CCDC7: variants seen among roughly 807,000 people sequenced by gnomAD.
CCDC7 encodes coiled-coil domain-containing protein 7.
In CCDC7, 183 loss-of-function variants were observed where a neutral mutation model predicts 196.9. That is an observed-to-expected ratio of 0.93 (90% confidence interval 0.82 to 1.05). CCDC7 has a LOEUF of 1.05. CCDC7 is among the 50% of genes least tolerant of loss of function. The pLI, the probability that CCDC7 is intolerant of heterozygous loss-of-function variation, is 0.00. For missense variants in CCDC7, 1,540 were observed against 1,482.2 expected (o/e 1.04, Z -0.64); for synonymous variants, 525 against 484.6 (o/e 1.08, Z -1.10).
chr10:32,587,742 CTTTG>C (rs1297431612), intron 18 of CCDC7, among the ~76,000 whole-genome samples: 1 of 151,956 alleles, frequency 6.6e-6, no homozygotes, highest in Non-Finnish European at 1.5e-5. Flanking sequence ...TTTGGATGGC[CTTTG>C]TTTCTTTTTA....
intron 13 of CCDC7, among the ~76,000 whole-genome samples, chr10:32,546,039 G>T (rs774751643): frequency 2.0e-5 from 3 of 152,098 alleles, no homozygotes; most frequent in Non-Finnish European, 4.4e-5. Context: ...ACCAAAGACT[G>T]GGCTGAATTC....
chr10:32,674,054 C>A (rs75140141), intron 21 of CCDC7, among the ~76,000 whole-genome samples: 6,422 of 151,594 alleles, frequency 0.042, 460 homozygotes, highest in African/African-American at 0.15. Flanking sequence ...TTTTCAAAAA[C>A]CGAACTCACA....
chr10:32,662,950 A>G (rs990953291), intron 20 of CCDC7, among the ~76,000 whole-genome samples: 1 of 152,172 alleles, frequency 6.6e-6, no homozygotes, highest in African/African-American at 2.4e-5. Flanking sequence ...GAGTGATCAG[A>G]AAAGGTTTTT....
intron 30 of CCDC7, among the ~76,000 whole-genome samples, chr10:32,813,773 G>A (rs1213571265): frequency 6.6e-6 from 1 of 152,132 alleles, no homozygotes; most frequent in Non-Finnish European, 1.5e-5. Flanking sequence ...AAATTGTGCA[G>A]CATCAGGTTG....
chr10:32,557,259 G>C (rs2054513387), intron 13 of CCDC7, among the ~76,000 whole-genome samples: 1 of 148,480 alleles, frequency 6.7e-6, no homozygotes, highest in African/African-American at 2.5e-5. Context: ...TTTTTCTTTG[G>C]CCACTTTTAT....
chr10:32,814,226 G>T, intron 30 of CCDC7, 144 bp from the exon 32 acceptor site: 1 of 561,292 alleles, frequency 1.8e-6, no homozygotes, highest in Non-Finnish European at 3.2e-6. Flanking sequence ...CCAAAGTGCT[G>T]GGATTACAGG....
chr10:32,681,153 C>G (rs916865568), intron 21 of CCDC7, among the ~76,000 whole-genome samples: 4 of 152,022 alleles, frequency 2.6e-5, no homozygotes, highest in African/African-American at 9.7e-5. Context: ...TTTTTTTCAT[C>G]ACTCTCTCAG....
chr10:32,673,274 G>GT (rs1196605927), intron 21 of CCDC7, among the ~76,000 whole-genome samples: 1 of 151,796 alleles, frequency 6.6e-6, no homozygotes, highest in Non-Finnish European at 1.5e-5. Context: ...GACTATTTGG[G>GT]TTTTTTGGTT....
At chr10:32,872,319 T>A (rs866280938) in intron 41 of CCDC7, among the ~76,000 whole-genome samples, 23 of 152,034 alleles carry the variant, frequency 1.5e-4, no homozygotes, top group African/African-American at 5.3e-4. Context: ...CTTCTTTGTC[T>A]CTTTTGATCT....
intron 20 of CCDC7, among the ~76,000 whole-genome samples, chr10:32,658,148 T>C (rs1300643263): frequency 6.6e-6 from 1 of 152,214 alleles, no homozygotes; most frequent in South Asian, 2.1e-4. Flanking sequence ...TCCAAACTGC[T>C]CCAACCTCTG....
intron 13 of CCDC7, among the ~76,000 whole-genome samples, chr10:32,548,900 T>C (rs892043786): frequency 6.6e-6 from 1 of 152,228 alleles, no homozygotes; most frequent in Admixed American, 6.5e-5. Context: ...TTTTGAATAA[T>C]GACTTCATTT....
chr10:32,738,473 CTT>C (rs33944221), intron 28 of CCDC7, among the ~76,000 whole-genome samples: 62 of 109,660 alleles, frequency 5.7e-4, no homozygotes, highest in Middle Eastern at 6.1e-3. Context: ...GTTTCTTTCA[CTT>C]TTTTTTTTTT....
chr10:32,794,458 C>A (rs2083226512), intron 29 of CCDC7, among the ~76,000 whole-genome samples: 2 of 152,264 alleles, frequency 1.3e-5, no homozygotes, highest in Admixed American at 1.3e-4. Context: ...ATTGTTAGGA[C>A]AAATGGTAGT....
At chr10:32,874,743 CCAA>C (rs1389416813) in intron 41 of CCDC7, among the ~76,000 whole-genome samples, 1 of 132,080 alleles carries the variant, frequency 7.6e-6, no homozygotes, top group African/African-American at 2.7e-5. Flanking sequence ...TACACACACA[CCAA>C]CATATCTACA....
At chr10:32,694,939 T>C (rs77776312) in exon 24 of CCDC7, 1 of 1,606,900 alleles carries the variant, frequency 6.2e-7, no homozygotes, top group East Asian at 2.2e-5. Flanking sequence ...GTGTCAAAAC[T>C]GGAAATGCAA....
At chr10:32,485,098 G>T (rs1476010443) in intron 8 of CCDC7, among the ~76,000 whole-genome samples, 1 of 152,162 alleles carries the variant, frequency 6.6e-6, no homozygotes, top group Non-Finnish European at 1.5e-5. Flanking sequence ...TGTACCTCTG[G>T]TAGAATTCGG....
chr10:32,749,606 TA>T (rs2075356877), intron 28 of CCDC7, among the ~76,000 whole-genome samples: 1 of 152,188 alleles, frequency 6.6e-6, no homozygotes, highest in Non-Finnish European at 1.5e-5. Flanking sequence ...ATGTGATTGT[TA>T]CAAAAATTAG....
intron 13 of CCDC7, among the ~76,000 whole-genome samples, chr10:32,560,232 A>C (rs573474110): frequency 2.0e-5 from 3 of 152,386 alleles, no homozygotes; most frequent in African/African-American, 7.2e-5. Flanking sequence ...AATGGAACCA[A>C]GTTGGAAAAC....
At position 32,471,328 on chromosome 10, in the gene CCDC7, C is replaced by T. The variant is rs1052190766; in HGVS notation, c.677+98C>T. 18 of 1,374,812 alleles carry T rather than the reference C, an allele frequency of 1.3e-5. No individual in the cohort carries two copies. The South Asian group carries it at 1.6e-4, about 12-fold the overall frequency. The allele number at this position is 1,374,812 out of a possible 1,614,324, so 85.2% of individuals were successfully genotyped here. On this transcript the variant is annotated intron_variant, in intron 6 of 41. Coordinates refer to ENST00000639629, the Ensembl canonical transcript of CCDC7. Reference sequence around the variant, plus strand: ...TAATGGGTCAGATATGATGGCTATACACAGAGCTTCTTAGTCAAATCAGGT... The same window carrying T: ...TAATGGGTCAGATATGATGGCTATATACAGAGCTTCTTAGTCAAATCAGGT...
Sources: allele counts gnomAD v4.1 joint callset (sites outside exome capture counted in the v4.1 genomes callset), GRCh38; gene constraint gnomAD v4.1.1; transcripts MANE v1.5; gene names NCBI Gene and HGNC (gene_info 2026-07-23, HGNC 2026-07-21).